ITPR1: variants seen among roughly 807,000 people sequenced by gnomAD.
ITPR1 encodes inositol 1,4,5-trisphosphate receptor type 1, also known as inositol 1,4,5-trisphosphate-gated calcium channel ITPR1.
ITPR1 carries 96 observed loss-of-function variants against 318.4 expected under a neutral mutation model. The observed-to-expected ratio is 0.30, with a 90% confidence interval of 0.26 to 0.36. The LOEUF (loss-of-function observed/expected upper bound fraction) is 0.36, where lower values mean the gene tolerates loss of function less well. Among genes scored for constraint, ITPR1 ranks in the 10% least tolerant of loss-of-function variants. The pLI is 1.00. For missense variants in ITPR1, 2,440 were observed against 3,460.2 expected, an observed-to-expected ratio of 0.71 and a Z score of 7.40; for synonymous variants, 1,312 against 1,289.9, an observed-to-expected ratio of 1.02 and a Z score of -0.37.
chr3:4,633,258 G>A (rs2093072647), intron 5 of ITPR1, among the ~76,000 whole-genome samples: 1 of 152,110 alleles, frequency 6.6e-6, no homozygotes, highest in Admixed American at 6.5e-5. Flanking sequence ...TGTTGACTTT[G>A]TGCTTCACTT....
chr3:4,738,809 G>A (rs113352376), intron 44 of ITPR1, among the ~76,000 whole-genome samples: 150 of 152,268 alleles, frequency 9.9e-4, no homozygotes, highest in South Asian at 6.6e-3. Flanking sequence ...TGGAGTTACC[G>A]CAGTTCAGCC....
intron 4 of ITPR1, among the ~76,000 whole-genome samples, chr3:4,543,959 A>G (rs1333955581): frequency 3.9e-5 from 6 of 152,206 alleles, no homozygotes; most frequent in Admixed American, 3.3e-4. Context: ...CATGGTTACA[A>G]AATAGCTGCA....
intron 10 of ITPR1, among the ~76,000 whole-genome samples, chr3:4,650,642 TGTGC>T (rs2093574694): frequency 7.5e-6 from 1 of 134,054 alleles, no homozygotes; most frequent in East Asian, 2.0e-4. Context: ...TGTGTGTGTG[TGTGC>T]GCGCGTCTGT....
At chr3:4,635,591 C>T (rs528043600) in intron 5 of ITPR1, among the ~76,000 whole-genome samples, 18 of 152,162 alleles carry the variant, frequency 1.2e-4, no homozygotes, top group Non-Finnish European at 1.9e-4. Context: ...GTGATCTGCC[C>T]GCCTCGGCCT....
chr3:4,699,820 A>C lies in ITPR1; in HGVS notation c.4415A>C (p.Asn1472Thr). ...TACCCACTTGTCTTCCAGGCCTGTAACAACACTAGTGACAGGAAACATGCA... is the reference window on the plus strand; with the variant it reads ...TACCCACTTGTCTTCCAGGCCTGTACCAACACTAGTGACAGGAAACATGCA... ...NFLVDICRACNNTSDRKHADS... is the reference protein window; with the variant it reads ...NFLVDICRACTNTSDRKHADS... The change falls in exon 35 of 62, where the codon AAC (asparagine) becomes ACC (threonine). Residue 1472 changes from asparagine to threonine, a missense_variant. Physicochemically the swap from Asn to Thr is moderately conservative, Grantham distance 65 (BLOSUM62 0). Coordinates refer to ENST00000649015, the MANE Select transcript of ITPR1 (RefSeq NM_001378452.1). The C allele has an allele frequency of 6.2e-7, 1 of 1,613,878 alleles. No individual in the cohort carries two copies. Among genetic ancestry groups the C allele is most frequent in the Non-Finnish European group, 8.5e-7 (1 of 1,179,802 alleles).
intron 39 of ITPR1, among the ~76,000 whole-genome samples, chr3:4,714,892 A>G (rs1445268167): frequency 1.3e-5 from 2 of 151,994 alleles, no homozygotes; most frequent in East Asian, 1.9e-4. Context: ...AGACTAAAAC[A>G]TGATAGAATC....
intron 4 of ITPR1, among the ~76,000 whole-genome samples, chr3:4,554,082 A>G (rs1287539258): frequency 1.3e-5 from 2 of 152,252 alleles, no homozygotes; most frequent in African/African-American, 2.4e-5. Context: ...CTTTATTGGT[A>G]TCTTACTACA....
In ITPR1 at chr3:4,611,045, C is replaced by T. The variant is rs1331803195; in HGVS notation, c.164-16718C>T. Among the ~76,000 whole-genome samples the T allele has an allele frequency of 3.1e-5, 3 of 96,154 alleles. 1 individual carries two copies. The highest frequency in any genetic ancestry group is 1.2e-4 in the African/African-American group (3 of 24,396). 63.1% of individuals were successfully genotyped at this position (96,154 alleles called of 152,430 possible). ...CCCCTTCCTCCCTCCCTCCCTCCCTCCCTCCCTCCCTCCCTTCCTTCCTTC... is the reference window on the plus strand; with the variant it reads ...CCCCTTCCTCCCTCCCTCCCTCCCTTCCTCCCTCCCTCCCTTCCTTCCTTC... On this transcript the variant is annotated intron_variant, in intron 4 of 61. Coordinates refer to ENST00000649015, the MANE Select transcript of ITPR1 (RefSeq NM_001378452.1).
intron 16 of ITPR1, 81 bp from the exon 17 acceptor site, chr3:4,665,057 G>C: frequency 6.8e-7 from 1 of 1,460,044 alleles, no homozygotes; most frequent in Non-Finnish European, 9.6e-7. Context: ...AGCCACCCTT[G>C]AGCTTGCATT....
At chr3:4,594,110 C>A (rs1346804310) in intron 4 of ITPR1, among the ~76,000 whole-genome samples, 2 of 152,118 alleles carry the variant, frequency 1.3e-5, no homozygotes, top group Non-Finnish European at 2.9e-5. Flanking sequence ...TGTTCATTGG[C>A]TTGGGGAGAT....
At chr3:4,534,923 T>C (rs1278172800) in intron 4 of ITPR1, among the ~76,000 whole-genome samples, 1 of 152,240 alleles carries the variant, frequency 6.6e-6, no homozygotes. Context: ...TTGAGAACTT[T>C]GCTTCGGTCT....
chr3:4,838,541 G>C (rs1357780751), intron 61 of ITPR1, among the ~76,000 whole-genome samples: 4 of 152,010 alleles, frequency 2.6e-5, no homozygotes. Context: ...GTTTAAATTA[G>C]GTGCCAAAAA....
At chr3:4,744,898 C>CTCCTTCCTTCCT (rs199767679) in intron 44 of ITPR1, among the ~76,000 whole-genome samples, 1 of 124,802 alleles carries the variant, frequency 8.0e-6, no homozygotes, top group Non-Finnish European at 1.7e-5. Context: ...GTCTCCCTCC[C>CTCCTTCCTTCCT]TCCTTCCTTC....
intron 42 of ITPR1, among the ~76,000 whole-genome samples, chr3:4,731,966 C>T (rs768980782): frequency 3.3e-5 from 5 of 152,216 alleles, no homozygotes; most frequent in African/African-American, 7.2e-5. Flanking sequence ...CCTTTCCTCT[C>T]GGCCAGACTT....
chr3:4,650,053 A>C (rs527307279), intron 10 of ITPR1, among the ~76,000 whole-genome samples: 1 of 152,356 alleles, frequency 6.6e-6, no homozygotes, highest in East Asian at 1.9e-4. Flanking sequence ...CACATGTATC[A>C]GTACTTCATT....
chr3:4,678,375 T>A (rs2094226593), intron 24 of ITPR1, among the ~76,000 whole-genome samples: 1 of 152,294 alleles, frequency 6.6e-6, no homozygotes, highest in Non-Finnish European at 1.5e-5. Flanking sequence ...TGTTCCAAAG[T>A]GGTGTCTTGG....
chr3:4,623,179 A>G (rs1051610060), intron 4 of ITPR1, among the ~76,000 whole-genome samples: 51 of 152,026 alleles, frequency 3.4e-4, no homozygotes, highest in African/African-American at 1.2e-3. Context: ...TGATAGTCAA[A>G]CTCATCTATA....
At chr3:4,838,853 T>C (rs147412334) in intron 61 of ITPR1, among the ~76,000 whole-genome samples, 16 of 152,324 alleles carry the variant, frequency 1.1e-4, no homozygotes, top group Non-Finnish European at 2.1e-4. Context: ...AAACTATTAA[T>C]GGGCATTCTG....
At chr3:4,705,600 C>G (rs898198157) in intron 36 of ITPR1, among the ~76,000 whole-genome samples, 2 of 152,184 alleles carry the variant, frequency 1.3e-5, no homozygotes, top group African/African-American at 4.8e-5. Flanking sequence ...AGTCAGGAGT[C>G]CTGTAGAGTG....
Sources: gnomAD v4.1 joint callset for allele counts (sites outside exome capture counted in the v4.1 genomes callset) on GRCh38, gnomAD v4.1.1 for gene constraint, MANE v1.5 for transcripts, NCBI Gene and HGNC (gene_info 2026-07-23, HGNC 2026-07-21) for gene names.